Variants in ATM observed in about 807,000 individuals in gnomAD.
ATM encodes ATM serine/threonine kinase, also known as serine-protein kinase ATM.
ATM carries 308 observed loss-of-function variants against 387.0 expected under a neutral mutation model. The ratio of observed to expected loss-of-function variants is 0.80; its 90% CI spans 0.73 to 0.87. The LOEUF (loss-of-function observed/expected upper bound fraction) is 0.87. Among genes scored for constraint, ATM ranks in the 40% least tolerant of loss-of-function variants. ATM has a pLI of 0.00. For synonymous variants in ATM, 1,156 were observed against 1,187.3 expected, an observed-to-expected ratio of 0.97 and a Z score of 0.54; for missense variants, 3,312 against 3,560.9, an observed-to-expected ratio of 0.93 and a Z score of 1.78.
chr11:108,356,602 A>G (rs2089957460), intron 61 of ATM, among the ~76,000 whole-genome samples: 2 of 151,600 alleles, frequency 1.3e-5, no homozygotes, highest in Non-Finnish European at 1.5e-5. Context: ...AGCTTAACAT[A>G]TTCTTTAGTA....
chr11:108,352,020 C>T (rs1416687804), intron 59 of ATM, among the ~76,000 whole-genome samples: 1 of 152,110 alleles, frequency 6.6e-6, no homozygotes, highest in Non-Finnish European at 1.5e-5. Context: ...CCTTACCTAG[C>T]AGTAACAAGG....
chr11:108,247,590 T>C (rs529235642), intron 8 of ATM, among the ~76,000 whole-genome samples: 1 of 152,120 alleles, frequency 6.6e-6, no homozygotes. Context: ...CTGGAAACTT[T>C]TTTTATTTTA....
At position 108,347,381 on chromosome 11, in the gene ATM, T is replaced by C. The variant is rs1328030415; in HGVS notation, c.8671+16T>C. ...ATAGATCTAGGTAAGTAATAAAATC[T>C]ATGTATCTATTCTTTTTAGTAAATA... On this transcript the variant is annotated intron_variant, in intron 59 of 62. Transcript: ENST00000675843. The C allele has an allele frequency of 1.3e-6, 2 of 1,538,630 alleles. No individual in the cohort carries two copies. The highest frequency in any genetic ancestry group is 9.0e-7 in the Non-Finnish European group (1 of 1,112,228).
Position 108,278,895 on chromosome 11 carries a change from G to A in ATM, c.3285-596G>A, listed in dbSNP as rs140692407. 1.3e-4 allele frequency among the ~76,000 whole-genome samples: 20 copies of A among 152,242 alleles called. No homozygotes were observed. In the East Asian group the frequency reaches 3.5e-3, roughly 26 times the overall value. On this transcript the variant is annotated intron_variant, in intron 22 of 62. Transcript: ENST00000675843. Reference sequence around the variant, plus strand: ...ATTCAGACAATAGCAGATATCTAATGTTCAGCTATTTTAAGAGCAGTGAGT... The same window carrying A: ...ATTCAGACAATAGCAGATATCTAATATTCAGCTATTTTAAGAGCAGTGAGT...
chr11:108,274,933 C>A (rs1226725729), intron 22 of ATM, among the ~76,000 whole-genome samples: 1 of 152,150 alleles, frequency 6.6e-6, no homozygotes, highest in Non-Finnish European at 1.5e-5. Flanking sequence ...TGTTAATTTT[C>A]TGTCTCATTG....
intron 32 of ATM, 22 bp downstream of exon 32, chr11:108,295,081 G>T (rs1333432388): frequency 6.2e-7 from 1 of 1,613,032 alleles, no homozygotes; most frequent in Non-Finnish European, 8.5e-7. Flanking sequence ...AAATGACATG[G>T]GCTATTTCTA....
chr11:108,238,908 A>T (rs1269491697), intron 5 of ATM, among the ~76,000 whole-genome samples: 4 of 152,128 alleles, frequency 2.6e-5, no homozygotes, highest in Admixed American at 6.6e-5. Flanking sequence ...CATCTCCACC[A>T]TCCATCTCCA....
intron 5 of ATM, chr11:108,236,339 T>A (rs560259814): frequency 1.1e-3 from 179 of 164,906 alleles, no homozygotes; most frequent in Admixed American, 2.1e-3. Flanking sequence ...AGCTCAGGAG[T>A]TCAAGACCAG....
At chr11:108,316,135 G>A (rs772285831) in intron 42 of ATM, 22 bp downstream of exon 42, 3 of 1,603,116 alleles carry the variant, frequency 1.9e-6, no homozygotes, top group Non-Finnish European at 2.6e-6. Context: ...CCCAGATTTG[G>A]TAAAGCCATC....
chr11:108,287,338 A>G, intron 26 of ATM: 1 of 266,218 alleles, frequency 3.8e-6, no homozygotes, highest in Non-Finnish European at 7.0e-6. Context: ...CTTATTTAAA[A>G]TGATTCTCTA....
intron 47 of ATM, 51 bp downstream of exon 47, chr11:108,326,276 C>A (rs756147757): frequency 6.3e-7 from 1 of 1,593,874 alleles, no homozygotes; most frequent in East Asian, 2.2e-5. Context: ...TTTAAAAAAA[C>A]ACAAATGTAC....
At chr11:108,252,465 C>T (rs781550496) in intron 11 of ATM, among the ~76,000 whole-genome samples, 3 of 152,120 alleles carry the variant, frequency 2.0e-5, no homozygotes, top group Non-Finnish European at 4.4e-5. Flanking sequence ...TGGAGTCCCT[C>T]GTCCACTTAA....
Position 108,365,611 on chromosome 11 carries a change from T to G in ATM, c.*103T>G. On this transcript the variant is annotated 3_prime_UTR_variant, in exon 63 of 63. Coordinates refer to ENST00000675843, the MANE Select transcript of ATM (RefSeq NM_000051.4). ...CTTTAAGTAGGGATTAATATTTAAG[T>G]GAACTATTGTGGGTTTTTTTGAATG... The G allele has an allele frequency of 7.3e-7, 1 of 1,371,352 alleles. No homozygotes were observed. The highest frequency in any genetic ancestry group is 1.3e-5 in the South Asian group (1 of 75,644). The allele number at this position is 1,371,352 out of a possible 1,614,324, so 84.9% of individuals were successfully genotyped here.
At chr11:108,309,187 G>A (rs1224968316) in intron 38 of ATM, 3 of 562,958 alleles carry the variant, frequency 5.3e-6, no homozygotes, top group African/African-American at 1.9e-5. Context: ...CAAAAACAAA[G>A]AACAACAATA....
At chr11:108,357,588 C>G (rs1481559640) in intron 61 of ATM, among the ~76,000 whole-genome samples, 2 of 152,206 alleles carry the variant, frequency 1.3e-5, no homozygotes, top group Non-Finnish European at 2.9e-5. Context: ...CAGCACGCAG[C>G]TGGAGATCGG....
intron 59 of ATM, among the ~76,000 whole-genome samples, chr11:108,352,577 C>G (rs1178337640): frequency 1.3e-5 from 2 of 152,148 alleles, no homozygotes; most frequent in Non-Finnish European, 2.9e-5. Flanking sequence ...AACTTAACAA[C>G]AAAATCTACT....
intron 13 of ATM, among the ~76,000 whole-genome samples, chr11:108,254,739 G>A (rs768778833): frequency 1.3e-5 from 2 of 152,072 alleles, no homozygotes; most frequent in African/African-American, 4.8e-5. Context: ...TGCAACCTCC[G>A]TCTTCCAGTT....
chr11:108,279,790 CAT>C (rs903658437), intron 23 of ATM, among the ~76,000 whole-genome samples, 182 bp downstream of exon 23: 1 of 152,140 alleles, frequency 6.6e-6, no homozygotes, highest in African/African-American at 2.4e-5. Flanking sequence ...TGGGTCAAAT[CAT>C]AGCAATTTCT....
At chr11:108,292,089 A>G (rs574610678) in intron 29 of ATM, among the ~76,000 whole-genome samples, 6 of 152,332 alleles carry the variant, frequency 3.9e-5, no homozygotes, top group Admixed American at 3.9e-4. Context: ...GAAGTTAAAC[A>G]AAACAGAGCT....
Sources: allele counts gnomAD v4.1 joint callset (sites outside exome capture counted in the v4.1 genomes callset), GRCh38; gene constraint gnomAD v4.1.1; transcripts MANE v1.5; gene names NCBI Gene and HGNC (gene_info 2026-07-23, HGNC 2026-07-21).